The following TCP11 variants were observed in gnomAD, a reference collection of about 807,000 sequenced individuals.
TCP11 encodes t-complex 11.
Under a neutral mutation model 45.0 loss-of-function variants are expected in TCP11, and 34 were observed. The observed-to-expected ratio is 0.76, with a 90% CI of 0.57 to 1.01. TCP11 has a LOEUF of 1.01. TCP11 is among the 50% of genes least tolerant of loss of function. TCP11 has a pLI of 0.00. For synonymous variants in TCP11, 227 were observed against 227.0 expected, an observed-to-expected ratio of 1.00 and a Z score of 0.00; for missense variants, 523 against 598.1, an observed-to-expected ratio of 0.87 and a Z score of 1.31.
At chr6:35,122,975 C>A (rs544162542) in intron 4 of TCP11, among the ~76,000 whole-genome samples, 3 of 152,292 alleles carry the variant, frequency 2.0e-5, no homozygotes, top group African/African-American at 7.2e-5. Context: ...CCAAACTCTG[C>A]CAGTTACCAA....
chr6:35,132,084 TA>T (rs1406510190), intron 3 of TCP11, among the ~76,000 whole-genome samples: 2 of 152,272 alleles, frequency 1.3e-5, no homozygotes, highest in Non-Finnish European at 2.9e-5. Flanking sequence ...ACCAGCAAGA[TA>T]AATGGCTTAT....
chr6:35,126,814 A>G (rs1379372274), intron 4 of TCP11, among the ~76,000 whole-genome samples: 1 of 151,682 alleles, frequency 6.6e-6, no homozygotes, highest in African/African-American at 2.4e-5. Context: ...ATGTACCACC[A>G]CACCCAGTTA....
intron 2 of TCP11, 135 bp downstream of exon 2, chr6:35,140,612 G>A (rs1303465670): frequency 4.3e-6 from 3 of 698,316 alleles, no homozygotes; most frequent in Non-Finnish European, 7.8e-6. Context: ...AAGTAAAGGC[G>A]GGTGGGGGAG....
At chr6:35,127,000 A>C (rs189678918) in intron 4 of TCP11, among the ~76,000 whole-genome samples, 1 of 152,034 alleles carries the variant, frequency 6.6e-6, no homozygotes, top group Non-Finnish European at 1.5e-5. Context: ...GCCAGAATAC[A>C]TGGGTCCAGG....
intron 3 of TCP11, among the ~76,000 whole-genome samples, chr6:35,133,607 T>C (rs539059144): frequency 6.7e-4 from 102 of 152,130 alleles, no homozygotes; most frequent in Admixed American, 1.2e-3. Context: ...CTGGCCAACA[T>C]GGTGAAACCC....
chr6:35,122,290 C>T lies in TCP11; in HGVS notation c.405G>A (p.Glu135=). The T allele has an allele frequency of 6.2e-7, 1 of 1,614,162 alleles. No individual in the cohort carries two copies. The highest frequency in any genetic ancestry group is 8.5e-7 in the Non-Finnish European group (1 of 1,180,026). ...LLPRQNRLRI[E]IEEALDMDLL... ...AGTCCATGTCCAGAGCTTCTTCAATCTCAATTCTCAGGCGGTTCTGGCGTG... is the reference window on the plus strand; with the variant it reads ...AGTCCATGTCCAGAGCTTCTTCAATTTCAATTCTCAGGCGGTTCTGGCGTG... Residue 135 remains glutamate (E), a synonymous_variant, in exon 5 of 10, where the codon GAG becomes GAA. Coordinates refer to ENST00000311875, the MANE Select transcript of TCP11 (RefSeq NM_001370687.1).
intron 3 of TCP11, among the ~76,000 whole-genome samples, chr6:35,131,285 A>C (rs540205780): frequency 6.6e-6 from 1 of 151,976 alleles, no homozygotes; most frequent in Admixed American, 6.6e-5. Context: ...AACAAAAAGA[A>C]GGCCGGGCGC....
At chr6:35,127,616 CTCTT>C (rs1443345457) in intron 4 of TCP11, among the ~76,000 whole-genome samples, 18 of 152,144 alleles carry the variant, frequency 1.2e-4, no homozygotes, top group South Asian at 4.1e-4. Context: ...TTTGTTCTTC[CTCTT>C]TCTTTCCATT....
chr6:35,141,025 C>T (rs913819445), intron 1 of TCP11, 141 bp from the exon 2 acceptor site: 2 of 1,241,858 alleles, frequency 1.6e-6, no homozygotes, highest in Non-Finnish European at 2.1e-6. Flanking sequence ...GGCAAAGGAG[C>T]GTGGAGGAGC....
chr6:35,118,522 T>C, intron 9 of TCP11, 21 bp from the exon 10 acceptor site: 1 of 1,605,072 alleles, frequency 6.2e-7, no homozygotes, highest in Middle Eastern at 1.7e-4. Context: ...GAAAAGACAC[T>C]GATAAGGGAA....
chr6:35,134,019 A>C (rs1254405346), intron 3 of TCP11, among the ~76,000 whole-genome samples: 1 of 152,136 alleles, frequency 6.6e-6, no homozygotes, highest in Non-Finnish European at 1.5e-5. Context: ...AAATCCCAAG[A>C]GTCAAAACAC....
chr6:35,128,858 A>G, intron 4 of TCP11: 1 of 602,498 alleles, frequency 1.7e-6, no homozygotes, highest in South Asian at 2.4e-5. Flanking sequence ...TACTCTTACT[A>G]GCCAAGCCCT....
intron 4 of TCP11, among the ~76,000 whole-genome samples, chr6:35,126,650 C>CTTTTT (rs56010838): frequency 1.5e-5 from 1 of 66,898 alleles, no homozygotes; most frequent in African/African-American, 5.9e-5. Flanking sequence ...GAATCAAAGA[C>CTTTTT]TTTTTTTTTT....
chr6:35,122,094 G>A (rs1185886618), intron 5 of TCP11, 23 bp downstream of exon 5: 1 of 1,612,416 alleles, frequency 6.2e-7, no homozygotes, highest in East Asian at 2.2e-5. Flanking sequence ...GCAGGTTTTT[G>A]GGGGCAGTAT....
chr6:35,121,065 A>C lies in TCP11; in HGVS notation c.579-20T>G, dbSNP rs1161926654. 2 of 1,590,908 alleles carry C rather than the reference A, an allele frequency of 1.3e-6. No individual in the cohort carries two copies. The highest frequency in any genetic ancestry group is 1.7e-6 in the Non-Finnish European group (2 of 1,167,440). Reference sequence around the variant, plus strand: ...ATCCCTCTGACACAGGGGGAAAGAGAATATTTATACTACTAAGCTAGAAAC... The same window carrying C: ...ATCCCTCTGACACAGGGGGAAAGAGCATATTTATACTACTAAGCTAGAAAC... On this transcript the variant is annotated intron_variant, in intron 5 of 9. Transcript: ENST00000311875.
intron 1 of TCP11, 68 bp from the exon 2 acceptor site, chr6:35,140,952 C>CG: frequency 2.0e-6 from 2 of 1,005,326 alleles, no homozygotes; most frequent in Non-Finnish European, 2.6e-6. Flanking sequence ...AAGGGGGTCC[C>CG]TGGGGGCGGC....
chr6:35,137,730 A>G lies in TCP11; in HGVS notation c.125-1512T>C. ...GTATAAAATGCAGCCGTATACAATA[A>G]ATCATATTTTATCACTCTCTTTTGA... On this transcript the variant is annotated intron_variant, in intron 2 of 9. Coordinates refer to ENST00000311875, the MANE Select transcript of TCP11 (RefSeq NM_001370687.1). 4.4e-6 allele frequency: 2 copies of G among 453,586 alleles called. 1 individual carries two copies. The highest frequency in any genetic ancestry group is 3.1e-5 in the South Asian group (2 of 63,816). 28.1% of individuals were successfully genotyped at this position (453,586 alleles called of 1,614,324 possible).
In TCP11 at chr6:35,121,775, T is replaced by A. The variant is rs1174595587; in HGVS notation, c.578+342A>T. On this transcript the variant is annotated intron_variant, in intron 5 of 9. Coordinates refer to ENST00000311875, the MANE Select transcript of TCP11 (RefSeq NM_001370687.1). ...TTGCAGTGAGCTGAGATCTCACTGC[T>A]GTACCTGGGCAACAAGAGTGAAACT... is the stretch of plus-strand genomic sequence containing the variant. Among the ~76,000 whole-genome samples the A allele has an allele frequency of 2.7e-5, 4 of 147,468 alleles. No homozygotes were observed. In the Admixed American group the frequency reaches 2.7e-4, roughly 10 times the overall value.
chr6:35,129,212 CT>C, intron 3 of TCP11, 30 bp from the exon 4 acceptor site: 1 of 1,597,234 alleles, frequency 6.3e-7, no homozygotes, highest in Non-Finnish European at 8.5e-7. Flanking sequence ...GCAGATTACT[CT>C]CTCAACCCAA....
Sources: allele counts gnomAD v4.1 joint callset (sites outside exome capture counted in the v4.1 genomes callset), GRCh38; gene constraint gnomAD v4.1.1; transcripts MANE v1.5; gene names NCBI Gene and HGNC (gene_info 2026-07-23, HGNC 2026-07-21).